CSMD1: variants seen among roughly 807,000 people sequenced by gnomAD.
CSMD1 encodes CUB and Sushi multiple domains 1.
Under a neutral mutation model 417.5 loss-of-function variants are expected in CSMD1, and 213 were observed. That is an observed-to-expected ratio of 0.51 (90% CI 0.46 to 0.57). The LOEUF is 0.57. CSMD1 is among the 20% of genes least tolerant of loss of function. The pLI is 0.00. For missense variants in CSMD1, 6,923 were observed against 4,529.7 expected (o/e 1.53, Z -15.17); for synonymous variants, 2,862 against 1,736.8 (o/e 1.65, Z -16.11).
chr8:4,221,044 C>T (rs1386331051), intron 3 of CSMD1, among the ~76,000 whole-genome samples: 1 of 152,096 alleles, frequency 6.6e-6, no homozygotes, highest in Non-Finnish European at 1.5e-5. Flanking sequence ...CCAGCTTTTC[C>T]CATGAGCGAA....
chr8:4,617,594 A>G (rs951496985), intron 2 of CSMD1, among the ~76,000 whole-genome samples: 3 of 152,096 alleles, frequency 2.0e-5, no homozygotes, highest in African/African-American at 7.2e-5. Context: ...AATATTTTAG[A>G]AGCACCTGGT....
At chr8:4,600,347 G>C (rs556127335) in intron 2 of CSMD1, among the ~76,000 whole-genome samples, 3 of 152,160 alleles carry the variant, frequency 2.0e-5, no homozygotes, top group Non-Finnish European at 4.4e-5. Context: ...CATAGCTATA[G>C]ACTTAATAAA....
chr8:3,676,012 C>A (rs1222298848), intron 7 of CSMD1, among the ~76,000 whole-genome samples: 1 of 152,158 alleles, frequency 6.6e-6, no homozygotes, highest in Non-Finnish European at 1.5e-5. Flanking sequence ...CTGGTTTGGC[C>A]TTAGTATCTT....
chr8:4,165,626 C>G (rs1319981865), intron 3 of CSMD1, among the ~76,000 whole-genome samples: 1 of 152,204 alleles, frequency 6.6e-6, no homozygotes, highest in Non-Finnish European at 1.5e-5. Context: ...TTGGCTTGAA[C>G]TCCTTGACAC....
Position 3,288,264 on chromosome 8 carries a change from CT to C in CSMD1, c.3951-3919del, listed in dbSNP as rs1170375615. On this transcript the variant is annotated intron_variant, in intron 25 of 69. Coordinates refer to ENST00000635120, the MANE Select transcript of CSMD1 (RefSeq NM_033225.6). Reference sequence around the variant, plus strand: ...ATCAGGGATATTGGTCTAAAGTTCTCTTTTTTTGTTCTTTTTCTGCCAGGCT... The same window carrying C: ...ATCAGGGATATTGGTCTAAAGTTCTCTTTTTTGTTCTTTTTCTGCCAGGCT... Among the ~76,000 whole-genome samples the C allele has an allele frequency of 1.1e-4, 16 of 147,146 alleles. 1 individual carries two copies. Among genetic ancestry groups the C allele is most frequent in the Non-Finnish European group, 2.1e-4 (14 of 67,954 alleles).
At chr8:3,887,472 C>T (rs568027779) in intron 5 of CSMD1, among the ~76,000 whole-genome samples, 1 of 152,264 alleles carries the variant, frequency 6.6e-6, no homozygotes, top group Admixed American at 6.5e-5. Flanking sequence ...TTGTTCTAGG[C>T]GTCCAGTTCT....
chr8:3,149,925 A>C (rs1246109169), intron 40 of CSMD1, among the ~76,000 whole-genome samples: 4 of 152,172 alleles, frequency 2.6e-5, no homozygotes, highest in Non-Finnish European at 4.4e-5. Context: ...TTTGACCAAC[A>C]AGGCTCCGGT....
chr8:3,609,920 G>T (rs1386305823), intron 8 of CSMD1, among the ~76,000 whole-genome samples: 1 of 137,398 alleles, frequency 7.3e-6, no homozygotes, highest in East Asian at 2.3e-4. Flanking sequence ...TCCTGCCTCA[G>T]CCTCCCAAGT....
At chr8:3,007,286 G>A (rs1349737641) in intron 52 of CSMD1, among the ~76,000 whole-genome samples, 1 of 151,822 alleles carries the variant, frequency 6.6e-6, no homozygotes, top group Non-Finnish European at 1.5e-5. Context: ...AGGTGCTGGA[G>A]AGGATGTGGA....
intron 5 of CSMD1, among the ~76,000 whole-genome samples, chr8:3,917,689 A>G (rs1251415569): frequency 6.6e-6 from 1 of 152,110 alleles, no homozygotes; most frequent in Non-Finnish European, 1.5e-5. Flanking sequence ...AATGCCATGA[A>G]CTAGATTGTT....
chr8:4,403,889 T>C (rs1203328314), intron 3 of CSMD1, among the ~76,000 whole-genome samples: 1 of 152,172 alleles, frequency 6.6e-6, no homozygotes, highest in African/African-American at 2.4e-5. Flanking sequence ...CTCCTGATTC[T>C]CACATCCCCT....
At chr8:4,466,276 G>A (rs1240613267) in intron 2 of CSMD1, among the ~76,000 whole-genome samples, 4 of 152,078 alleles carry the variant, frequency 2.6e-5, no homozygotes, top group African/African-American at 9.7e-5. Flanking sequence ...GAATAAGCTT[G>A]ATGAGGAAGA....
chr8:4,876,220 A>G (rs1803034492), intron 1 of CSMD1, among the ~76,000 whole-genome samples: 1 of 152,102 alleles, frequency 6.6e-6, no homozygotes, highest in South Asian at 2.1e-4. Flanking sequence ...TTTGGAGCTC[A>G]GTCTTTCAGT....
chr8:3,968,841 G>A lies in CSMD1; in HGVS notation c.818+29062C>T, dbSNP rs562004444. On this transcript the variant is annotated intron_variant, in intron 5 of 69. Coordinates refer to ENST00000635120, the MANE Select transcript of CSMD1 (RefSeq NM_033225.6). ...ATCCAGTATAGGACAAGATTTGGCTGCTGGTTATATTCGATCACACATCAT... is the reference window on the plus strand; with the variant it reads ...ATCCAGTATAGGACAAGATTTGGCTACTGGTTATATTCGATCACACATCAT... 9.8e-5 allele frequency among the ~76,000 whole-genome samples: 15 copies of A among 152,310 alleles called. No individual in the cohort carries two copies. The South Asian group carries it at 1.9e-3, about 19-fold the overall frequency.
chr8:3,380,850 C>G (rs192163574), intron 18 of CSMD1, among the ~76,000 whole-genome samples: 133 of 151,888 alleles, frequency 8.8e-4, no homozygotes, highest in African/African-American at 3.0e-3. Context: ...TGTAACAAAC[C>G]TGCACGATCC....
chr8:4,011,605 G>C (rs186867474), intron 4 of CSMD1, among the ~76,000 whole-genome samples: 113 of 152,264 alleles, frequency 7.4e-4, no homozygotes, highest in Admixed American at 1.8e-3. Context: ...CAAGATCTCA[G>C]TGACATTTAA....
intron 6 of CSMD1, among the ~76,000 whole-genome samples, chr8:3,731,669 G>C (rs531003581): frequency 1.3e-5 from 2 of 152,290 alleles, no homozygotes; most frequent in African/African-American, 4.8e-5. Flanking sequence ...GTACTGGGAG[G>C]TCAGCAACAA....
At chr8:3,745,018 C>T (rs753691537) in intron 6 of CSMD1, among the ~76,000 whole-genome samples, 2 of 152,006 alleles carry the variant, frequency 1.3e-5, no homozygotes, top group African/African-American at 2.4e-5. Flanking sequence ...TAGGATTCTC[C>T]GGGCAGTGAA....
At chr8:3,240,770 C>T (rs977003144) in intron 26 of CSMD1, among the ~76,000 whole-genome samples, 8 of 152,128 alleles carry the variant, frequency 5.3e-5, no homozygotes, top group East Asian at 1.9e-4. Context: ...TTTGGCACCA[C>T]TGGGTGGATA....
Sources: allele counts gnomAD v4.1 joint callset (sites outside exome capture counted in the v4.1 genomes callset), GRCh38; gene constraint gnomAD v4.1.1; transcripts MANE v1.5; gene names NCBI Gene and HGNC (gene_info 2026-07-23, HGNC 2026-07-21).